PLEC: variants seen among roughly 807,000 people sequenced by gnomAD.
PLEC encodes hemidesmosomal protein 1.
A neutral mutation model predicts 392.8 loss-of-function variants in PLEC; 216 were observed. The ratio of observed to expected loss-of-function variants is 0.55; its 90% CI spans 0.49 to 0.62. The LOEUF is 0.62. Among genes scored for constraint, PLEC ranks in the 20% least tolerant of loss-of-function variants. The pLI, the probability that PLEC is intolerant of heterozygous loss-of-function variation, is 0.00. For synonymous variants in PLEC, 3,621 were observed against 2,980.6 expected, an observed-to-expected ratio of 1.21 and a Z score of -7.00; for missense variants, 6,863 against 6,563.4, an observed-to-expected ratio of 1.05 and a Z score of -1.58.
Position 143,937,245 on chromosome 8 carries a change from G to A in PLEC, c.265-3C>T, listed in dbSNP as rs1384382103. 2.5e-6 allele frequency: 4 copies of A among 1,610,874 alleles called. No individual in the cohort carries two copies. Among genetic ancestry groups the A allele is most frequent in the Non-Finnish European group, 3.4e-6 (4 of 1,178,362 alleles). The stretch of plus-strand genomic sequence containing the variant: ...CGCATCCTCCCCTTCTCCCGGGGCT[G>A]TGGGGAGGCACAGTCAGCACCCACA... On this transcript the variant is annotated splice_region_variant and splice_polypyrimidine_tract_variant and intron_variant, in intron 3 of 31. Coordinates refer to ENST00000345136, the MANE Select transcript of PLEC (RefSeq NM_201384.3).
In PLEC at chr8:143,939,379, G is replaced by A. The variant is rs1564177062; in HGVS notation, c.83C>T (p.Ala28Val). 6.2e-7 allele frequency: 1 copy of A among 1,612,690 alleles called. No individual in the cohort carries two copies. The highest frequency in any genetic ancestry group is 8.5e-7 in the Non-Finnish European group (1 of 1,179,788). ...CTTGCCCTCAGAGGCCCTGAGCACA[G>A]CCAGGTACAGGTTGTCCTCCGAGCT... is the stretch of plus-strand genomic sequence containing the variant. ...RTSSEDNLYL[A>V]VLRASEGKKD... The change falls in exon 1 of 32, where the codon GCT (alanine) becomes GTT (valine). Residue 28 changes from alanine (A) to valine (V), a missense_variant. Transcript: ENST00000345136.
chr8:143,921,926 G>T lies in PLEC; in HGVS notation c.7895C>A (p.Ala2632Glu). ...ATKTLPNGRD[A>E]LDGPAAEAEP... ...TGCCTCTGCCGCGGGGCCATCAAGT[G>T]CATCCCGGCCATTGGGCAGGGTCTT... Residue 2632 changes from alanine (A) to glutamate (E), a missense_variant, in exon 32 of 32, where the codon GCA (alanine) becomes GAA (glutamate). Physicochemically the swap from Ala to Glu is moderately radical, Grantham distance 107. Transcript: ENST00000345136. 1.3e-6 allele frequency: 2 copies of T among 1,599,512 alleles called. No homozygotes were observed. Among genetic ancestry groups the T allele is most frequent in the Non-Finnish European group, 1.7e-6 (2 of 1,179,802 alleles).
upstream of PLEC, among the ~76,000 whole-genome samples, chr8:143,954,731 A>C (rs1489684597): frequency 6.6e-6 from 1 of 152,190 alleles, no homozygotes; most frequent in Non-Finnish European, 1.5e-5. This position sits in a 1 kb window ranked among gnomAD's most constrained non-coding sequence, Gnocchi z 4.6. Flanking sequence ...TGCAGGGGGC[A>C]CGGAGGAATG....
At chr8:143,942,228 C>A (rs1830611931), upstream of PLEC, among the ~76,000 whole-genome samples, 1 of 152,116 alleles carries the variant, frequency 6.6e-6, no homozygotes, top group Admixed American at 6.5e-5. Context: ...AACATCACCC[C>A]GCCTTCCTCC....
chr8:143,929,596 C>T (rs782033389), intron 23 of PLEC, 25 bp from the exon 24 acceptor site: 2 of 1,611,482 alleles, frequency 1.2e-6, no homozygotes, highest in Non-Finnish European at 1.7e-6. Context: ...TGGGTCACTC[C>T]ACCGCCCACC....
chr8:143,918,819 C>A lies in PLEC; in HGVS notation c.11002G>T (p.Glu3668Ter). 2 of 1,613,240 alleles carry A rather than the reference C, an allele frequency of 1.2e-6. No homozygotes were observed. Among genetic ancestry groups the A allele is most frequent in the East Asian group, 2.2e-5 (1 of 44,878 alleles). The change falls in exon 32 of 32, where the codon GAG (glutamate) becomes TAG (stop). Residue 3668 changes from glutamate to a stop codon, truncating the protein, a stop_gained. Coordinates refer to ENST00000345136, the MANE Select transcript of PLEC (RefSeq NM_201384.3). LOFTEE classifies it high-confidence loss of function. ...GCCTCACGGAGGCTCCTGGTGCCCT[C>A]CCGGAGCAGGTTGTAGGTCTCGAGA... The part of the protein sequence containing the change: ...ISLETYNLLR[E>*]GTRSLREALE...
chr8:143,953,964 G>A (rs1385470538), upstream of PLEC: 5 of 1,314,126 alleles, frequency 3.8e-6, no homozygotes, highest in South Asian at 6.7e-5. Flanking sequence ...CGGCCGCACC[G>A]CGCACCCCTC....
In PLEC at chr8:143,929,583, A is replaced by C. The variant is rs1244129345; in HGVS notation, c.2924-12T>G. ...CTCTTCCTGTGCACCTGGGGAACAC[A>C]TGTGGGTCACTCCACCGCCCACCTC... On this transcript the variant is annotated splice_polypyrimidine_tract_variant and intron_variant, in intron 23 of 31. Coordinates refer to ENST00000345136, the MANE Select transcript of PLEC (RefSeq NM_201384.3). The C allele has an allele frequency of 1.9e-5, 31 of 1,612,070 alleles. No homozygotes were observed. Among genetic ancestry groups the C allele is most frequent in the Non-Finnish European group, 2.5e-5 (29 of 1,179,876 alleles).
chr8:143,972,987 C>T (rs1833506284), intron 1 of PLEC, among the ~76,000 whole-genome samples: 1 of 152,182 alleles, frequency 6.6e-6, no homozygotes, highest in Non-Finnish European at 1.5e-5. Flanking sequence ...TGAGGAGAGG[C>T]GGCAACTATG....
In PLEC at chr8:143,927,375, G is replaced by A. The variant is rs1361072150; in HGVS notation, c.3756+35C>T. 4.4e-6 allele frequency: 7 copies of A among 1,608,846 alleles called. No individual in the cohort carries two copies. The Admixed American group carries it at 5.0e-5, about 11-fold the overall frequency. Reference sequence around the variant, plus strand: ...GGTCAGAGCCGTGGCCGCAGGGCACGCCCAGCCGCCCCGTCCCCACCGACC... The same window carrying A: ...GGTCAGAGCCGTGGCCGCAGGGCACACCCAGCCGCCCCGTCCCCACCGACC... On this transcript the variant is annotated intron_variant, in intron 27 of 31. Coordinates refer to ENST00000345136, the MANE Select transcript of PLEC (RefSeq NM_201384.3).
chr8:143,938,465 G>A (rs782270113), intron 2 of PLEC, 166 bp downstream of exon 2: 8 of 1,543,056 alleles, frequency 5.2e-6, no homozygotes, highest in Admixed American at 1.9e-5. Flanking sequence ...GAAGAGAGAG[G>A]CAGGAGCAGG....
chr8:143,920,332 C>A lies in PLEC; in HGVS notation c.9489G>T (p.Leu3163=). 1 of 1,593,360 alleles carries A rather than the reference C, an allele frequency of 6.3e-7. No homozygotes were observed. The highest frequency in any genetic ancestry group is 1.7e-5 in the Admixed American group (1 of 58,224). ...ACAGGGCCCTGCTGGTCTCCTCATCCAGGCAGCCTCGGGCGCAGGCGACAT... is the reference window on the plus strand; with the variant it reads ...ACAGGGCCCTGCTGGTCTCCTCATCAAGGCAGCCTCGGGCGCAGGCGACAT... ...PLDVACARGC[L]DEETSRALSA... The change falls in exon 32 of 32, where the codon CTG becomes CTT. Residue 3163 remains leucine (L), a synonymous_variant. Coordinates refer to ENST00000345136, the MANE Select transcript of PLEC (RefSeq NM_201384.3).
Position 143,920,584 on chromosome 8 carries a change from G to A in PLEC, c.9237C>T (p.Asp3079=), listed in dbSNP as rs373857211. ...DPATSARLTV[D]EAVRAGLVGP... The stretch of plus-strand genomic sequence containing the variant: ...CCACCAGGCCAGCACGCACTGCCTC[G>A]TCCACGGTCAGCCGGGCGCTGGTGG... The change falls in exon 32 of 32, where the codon GAC becomes GAT. Residue 3079 remains aspartate (D), a synonymous_variant. Coordinates refer to ENST00000345136, the MANE Select transcript of PLEC (RefSeq NM_201384.3). 6.1e-5 allele frequency: 98 copies of A among 1,610,424 alleles called. No homozygotes were observed. In the African/African-American group the frequency reaches 9.3e-4, roughly 15 times the overall value.
chr8:143,936,078 G>C, intron 5 of PLEC, 64 bp from the exon 6 acceptor site: 5 of 1,574,474 alleles, frequency 3.2e-6, no homozygotes, highest in Non-Finnish European at 4.3e-6. Context: ...TGTGCCCACA[G>C]CCACATGCAC....
At position 143,920,657 on chromosome 8, in the gene PLEC, A is replaced by G. The variant is rs1554682555; in HGVS notation, c.9164T>C (p.Val3055Ala). Reference sequence around the variant, plus strand: ...GCCGGCCTGGGCTTCCAACAGGGCCACGGCCATGTCGGATGGCAGCAGGTC... The same window carrying G: ...GCCGGCCTGGGCTTCCAACAGGGCCGCGGCCATGTCGGATGGCAGCAGGTC... Reference protein sequence around the residue: ...KKDLLPSDMAVALLEAQAGTG... With the variant: ...KKDLLPSDMAAALLEAQAGTG... The change falls in exon 32 of 32, where the codon GTG becomes GCG. Residue 3055 changes from valine (V) to alanine (A), a missense_variant. Physicochemically the swap from Val to Ala is moderately conservative, Grantham distance 64. Coordinates refer to ENST00000345136, the MANE Select transcript of PLEC (RefSeq NM_201384.3). 6.2e-7 allele frequency: 1 copy of G among 1,604,372 alleles called. No individual in the cohort carries two copies. Among genetic ancestry groups the G allele is most frequent in the Admixed American group, 1.7e-5 (1 of 60,018 alleles).
rs1821441274 is a variant in PLEC, at chr8:143,918,710, A to C, written c.11111T>G (p.Leu3704Arg). The change falls in exon 32 of 32, where the codon CTG (leucine) becomes CGG (arginine). Residue 3704 changes from leucine (L) to arginine (R), a missense_variant. Leu to Arg is a moderately radical substitution (Grantham distance 102). Coordinates refer to ENST00000345136, the MANE Select transcript of PLEC (RefSeq NM_201384.3). ...TTTCTTGAGAGCCTGGTAGATGCTC[A>C]GTGTCTGCCTGGAACCGGGCAGGTA... ...GVYLPGSRQT[L>R]SIYQALKKGL... The C allele has an allele frequency of 6.2e-7, 1 of 1,612,932 alleles. No homozygotes were observed. Among genetic ancestry groups the C allele is most frequent in the Non-Finnish European group, 8.5e-7 (1 of 1,179,954 alleles).
At position 143,930,408 on chromosome 8, in the gene PLEC, G is replaced by A. The variant is rs540156096; in HGVS notation, c.2433C>T (p.Ala811=). ...HPMRGRLPLL[A]VCDYKQVEVT... ...CCTCCACCTGCTTATAGTCGCACAC[G>A]GCCAGCAGGGGCAGGCGGCCCCGCA... Residue 811 remains alanine (A), a synonymous_variant, in exon 20 of 32, where the codon GCC becomes GCT. Coordinates refer to ENST00000345136, the MANE Select transcript of PLEC (RefSeq NM_201384.3). The A allele has an allele frequency of 1.0e-5, 16 of 1,571,996 alleles. 1 individual carries two copies. Among genetic ancestry groups the A allele is most frequent in the African/African-American group, 5.4e-5 (4 of 74,160 alleles).
chr8:143,952,218 ACACGCACGCG>A (rs1564213770), upstream of PLEC, among the ~76,000 whole-genome samples: 3,329 of 90,358 alleles, frequency 0.037, 53 homozygotes, highest in African/African-American at 0.057. Context: ...ACGCGCGCAC[ACACGCACGCG>A]CACGCGCACG....
At chr8:143,944,681 G>A (rs1398828207) in intron 1 of PLEC, 19 of 1,328,956 alleles carry the variant, frequency 1.4e-5, no homozygotes, top group African/African-American at 3.0e-5. Flanking sequence ...GGTGGCAGGA[G>A]CCCACGGGGC....
Sources: gnomAD v4.1 joint callset for allele counts (sites outside exome capture counted in the v4.1 genomes callset) on GRCh38, gnomAD v4.1.1 for gene constraint, Gnocchi (gnomAD v3.1) non-coding constraint, MANE v1.5 for transcripts, NCBI Gene and HGNC (gene_info 2026-07-23, HGNC 2026-07-21) for gene names.